The following DCLK1 variants were observed in gnomAD, a reference collection of about 807,000 sequenced individuals.
DCLK1 encodes doublecortin like kinase 1, also known as serine/threonine-protein kinase DCLK1.
Under a neutral mutation model 86.2 loss-of-function variants are expected in DCLK1, and 16 were observed. The ratio of observed to expected loss-of-function variants is 0.19; its 90% CI spans 0.13 to 0.28. DCLK1 has a LOEUF of 0.28. Ranked by LOEUF, DCLK1 falls within the 10% of genes least tolerant of loss-of-function variation. The probability of loss-of-function intolerance (pLI) is 1.00; values close to 1 mark genes in which losing one functional copy is unlikely to be tolerated. For missense variants in DCLK1, 590 were observed against 940.2 expected (o/e 0.63, Z 4.87); for synonymous variants, 369 against 370.5 (o/e 1.00, Z 0.05).
chr13:36,090,764 C>T (rs377088732), intron 3 of DCLK1, among the ~76,000 whole-genome samples: 19 of 151,980 alleles, frequency 1.3e-4, no homozygotes, highest in Admixed American at 1.2e-3. Context: ...CGAATGCTCT[C>T]GTGAGGTCAG....
intron 4 of DCLK1, among the ~76,000 whole-genome samples, chr13:35,884,204 A>G (rs1873092019): frequency 6.6e-6 from 1 of 151,090 alleles, no homozygotes; most frequent in South Asian, 2.1e-4. Flanking sequence ...GCCACTTGGA[A>G]AAAAAAAAGA....
intron 11 of DCLK1, among the ~76,000 whole-genome samples, chr13:35,821,679 T>C (rs1309406614): frequency 1.3e-5 from 2 of 148,514 alleles, no homozygotes; most frequent in East Asian, 3.9e-4. Context: ...TATGTATATA[T>C]ATATATATAT....
chr13:35,796,876 A>G (rs754481888), intron 15 of DCLK1, among the ~76,000 whole-genome samples: 2 of 152,214 alleles, frequency 1.3e-5, no homozygotes, highest in Admixed American at 6.5e-5. Context: ...GAATTGAATT[A>G]GGGGCTGAAC....
chr13:35,872,719 T>C (rs1220097811), intron 4 of DCLK1, among the ~76,000 whole-genome samples: 3 of 146,466 alleles, frequency 2.0e-5, no homozygotes, highest in African/African-American at 8.3e-5. Context: ...CTATTTGTTC[T>C]TTCCCCTTCA....
intron 3 of DCLK1, among the ~76,000 whole-genome samples, chr13:36,059,868 C>CTT (rs57867541): frequency 5.7e-5 from 8 of 140,324 alleles, no homozygotes; most frequent in African/African-American, 5.3e-5. Context: ...ACTTAAATCT[C>CTT]TTTTTTTTTT....
chr13:35,799,503 G>A (rs751277739), intron 15 of DCLK1, among the ~76,000 whole-genome samples: 14 of 151,914 alleles, frequency 9.2e-5, no homozygotes, highest in African/African-American at 2.2e-4. Flanking sequence ...TGCCCGCCTC[G>A]GCCTCCCAAA....
chr13:35,822,643 AAAAG>A (rs1331925161), intron 11 of DCLK1, 82 bp downstream of exon 11: 19 of 1,580,598 alleles, frequency 1.2e-5, no homozygotes, highest in Non-Finnish European at 1.6e-5. Flanking sequence ...AATTTTTAAA[AAAAG>A]AAAGAAAAGA....
intron 4 of DCLK1, among the ~76,000 whole-genome samples, chr13:35,908,325 T>C (rs74769140): frequency 0.014 from 2,160 of 152,344 alleles, 21 homozygotes; most frequent in South Asian, 0.032. Context: ...AGATAAAAGC[T>C]TTCTCATCAT....
intron 3 of DCLK1, among the ~76,000 whole-genome samples, chr13:35,995,198 T>C (rs1186841184): frequency 1.3e-5 from 2 of 152,208 alleles, no homozygotes; most frequent in Non-Finnish European, 2.9e-5. Flanking sequence ...GAGTTTTCTT[T>C]TTCACCTCAA....
chr13:36,014,181 C>T (rs139322228), intron 3 of DCLK1, among the ~76,000 whole-genome samples: 18 of 152,182 alleles, frequency 1.2e-4, no homozygotes, highest in African/African-American at 3.6e-4. Context: ...GCGTCGCTCA[C>T]GCTGGGAGCT....
At chr13:35,796,748 A>G (rs1045145434) in intron 15 of DCLK1, among the ~76,000 whole-genome samples, 6 of 152,294 alleles carry the variant, frequency 3.9e-5, no homozygotes, top group Admixed American at 6.5e-5. Context: ...GGTTGCATCA[A>G]TTGAGGATGC....
intron 3 of DCLK1, among the ~76,000 whole-genome samples, chr13:36,082,012 A>G (rs890275648): frequency 5.9e-5 from 9 of 152,182 alleles, no homozygotes; most frequent in African/African-American, 2.2e-4. Flanking sequence ...CCTCCAGATA[A>G]CCTTATCTCC....
intron 15 of DCLK1, among the ~76,000 whole-genome samples, chr13:35,794,779 C>T (rs2086774339): frequency 6.6e-6 from 1 of 152,198 alleles, no homozygotes; most frequent in African/African-American, 2.4e-5. Context: ...CTGGAAACCC[C>T]CAGTGCTTTT....
chr13:36,040,031 T>C (rs1479354158), intron 3 of DCLK1, among the ~76,000 whole-genome samples: 1 of 151,712 alleles, frequency 6.6e-6, no homozygotes, highest in East Asian at 2.0e-4. Context: ...TGAGTTCAAG[T>C]GACCTCCACA....
At chr13:36,052,399 G>A (rs1883155316) in intron 3 of DCLK1, among the ~76,000 whole-genome samples, 1 of 152,136 alleles carries the variant, frequency 6.6e-6, no homozygotes, top group African/African-American at 2.4e-5. Flanking sequence ...ATGTGAGAAA[G>A]AAAGGCAATA....
intron 15 of DCLK1, among the ~76,000 whole-genome samples, chr13:35,799,247 G>GTTTT (rs199972755): frequency 8.0e-6 from 1 of 125,254 alleles, no homozygotes; most frequent in Non-Finnish European, 1.6e-5. Context: ...TTGAGCCTCA[G>GTTTT]TTGTTTTTTT....
intron 6 of DCLK1, chr13:35,850,341 G>A: frequency 3.0e-6 from 3 of 990,242 alleles, no homozygotes; most frequent in Non-Finnish European, 2.4e-6. Flanking sequence ...ATATCTCTAT[G>A]TCTACTTATA....
In DCLK1 at chr13:35,836,030, C is replaced by T. The variant is rs1443360985; in HGVS notation, c.1229+3G>A. 4 of 1,592,238 alleles carry T rather than the reference C, an allele frequency of 2.5e-6. No homozygotes were observed. The highest frequency in any genetic ancestry group is 3.4e-6 in the Non-Finnish European group (4 of 1,163,510). On this transcript the variant is annotated splice_donor_region_variant and intron_variant, in intron 8 of 16. Transcript: ENST00000360631. ...GGTTTGATGCAAATGATATCCTTCT[C>T]ACCTTTCTACACATTCCTTGACAAC...
chr13:36,103,443 G>A (rs1033133880), intron 3 of DCLK1, among the ~76,000 whole-genome samples: 15 of 146,186 alleles, frequency 1.0e-4, no homozygotes, highest in Middle Eastern at 3.4e-3. Context: ...AAAAAAGACC[G>A]AAATATGAGC....
Sources: gnomAD v4.1 joint callset for allele counts (sites outside exome capture counted in the v4.1 genomes callset) on GRCh38, gnomAD v4.1.1 for gene constraint, MANE v1.5 for transcripts, NCBI Gene and HGNC (gene_info 2026-07-23, HGNC 2026-07-21) for gene names.